The following CHRM3 variants were observed in gnomAD, a reference collection of about 807,000 sequenced individuals.
The protein encoded by CHRM3 is cholinergic receptor muscarinic 3.
A neutral mutation model predicts 41.8 loss-of-function variants in CHRM3; 11 were observed. The observed-to-expected ratio is 0.26, with a 90% CI of 0.17 to 0.44. The LOEUF (loss-of-function observed/expected upper bound fraction) is 0.44, where lower values mean the gene tolerates loss of function less well. CHRM3 is among the 20% of genes least tolerant of loss of function. The probability of loss-of-function intolerance (pLI) is 1.00; values close to 1 mark genes in which losing one functional copy is unlikely to be tolerated. For synonymous variants in CHRM3, 297 were observed against 301.4 expected (o/e 0.99, Z 0.15); for missense variants, 571 against 745.4 (o/e 0.77, Z 2.72).
At chr1:239,633,033 C>A (rs535708883) in intron 4 of CHRM3, among the ~76,000 whole-genome samples, 1 of 152,176 alleles carries the variant, frequency 6.6e-6, no homozygotes, top group South Asian at 2.1e-4. Context: ...AGTGCAGTGG[C>A]GCCATCTCAG....
chr1:239,818,122 A>G (rs1671743432), intron 5 of CHRM3, among the ~76,000 whole-genome samples: 1 of 152,132 alleles, frequency 6.6e-6, no homozygotes. Context: ...GTGCAGGCAG[A>G]GTTGATATCT....
chr1:239,795,129 T>C (rs1189944292), intron 5 of CHRM3, among the ~76,000 whole-genome samples: 1 of 152,208 alleles, frequency 6.6e-6, no homozygotes, highest in Non-Finnish European at 1.5e-5. Context: ...ATGTATTTTT[T>C]TTAACTGAAA....
At chr1:239,893,672 AAAGG>A (rs1678735967) in intron 6 of CHRM3, among the ~76,000 whole-genome samples, 1 of 151,266 alleles carries the variant, frequency 6.6e-6, no homozygotes, top group African/African-American at 2.4e-5. Flanking sequence ...GTAGCAGAGG[AAAGG>A]GTAGGGTCAA....
chr1:239,888,178 A>G (rs1215219599), intron 6 of CHRM3, among the ~76,000 whole-genome samples: 1 of 152,024 alleles, frequency 6.6e-6, no homozygotes, highest in African/African-American at 2.4e-5. Context: ...CCTGAGTAAC[A>G]TGGCAAAACC....
At chr1:239,397,258 AAGAAT>A (rs1245981552) in intron 1 of CHRM3, among the ~76,000 whole-genome samples, 1 of 152,178 alleles carries the variant, frequency 6.6e-6, no homozygotes, top group Non-Finnish European at 1.5e-5. Context: ...TTGCTCCATA[AAGAAT>A]AGGTGACTCA....
At chr1:239,787,606 G>A (rs1248237997) in intron 5 of CHRM3, among the ~76,000 whole-genome samples, 2 of 152,130 alleles carry the variant, frequency 1.3e-5, no homozygotes, top group East Asian at 3.9e-4. Flanking sequence ...GTTCAGTAAA[G>A]TGAAACAGGC....
At chr1:239,905,750 C>T (rs185716846) in intron 6 of CHRM3, among the ~76,000 whole-genome samples, 61 of 152,208 alleles carry the variant, frequency 4.0e-4, no homozygotes, top group Middle Eastern at 3.4e-3. Flanking sequence ...TTGCACAACA[C>T]GTACCACACA....
intron 5 of CHRM3, among the ~76,000 whole-genome samples, chr1:239,799,425 T>C (rs1670036591): frequency 6.6e-6 from 1 of 152,088 alleles, no homozygotes; most frequent in South Asian, 2.1e-4. Flanking sequence ...AGGGGCAGGA[T>C]CGAACACGCT....
chr1:239,634,541 TC>T, intron 4 of CHRM3, among the ~76,000 whole-genome samples: 1 of 151,124 alleles, frequency 6.6e-6, no homozygotes, highest in African/African-American at 2.4e-5. Context: ...CTGAGCATCT[TC>T]TTTTCTTTTT....
chr1:239,470,296 C>G (rs1279255070), intron 1 of CHRM3, among the ~76,000 whole-genome samples: 1 of 152,118 alleles, frequency 6.6e-6, no homozygotes, highest in African/African-American at 2.4e-5. Flanking sequence ...AACCAACTCT[C>G]CCTGAGAACT....
At chr1:239,865,499 T>C (rs1260974798) in intron 6 of CHRM3, among the ~76,000 whole-genome samples, 1 of 152,160 alleles carries the variant, frequency 6.6e-6, no homozygotes, top group African/African-American at 2.4e-5. Flanking sequence ...GGCAGGAATT[T>C]GAAATTCAGT....
intron 6 of CHRM3, among the ~76,000 whole-genome samples, chr1:239,840,607 A>G (rs951383088): frequency 6.6e-5 from 10 of 152,186 alleles, no homozygotes. Flanking sequence ...AGGATGTTCA[A>G]TTTAGAACTG....
At chr1:239,770,758 C>T (rs1667595777) in intron 5 of CHRM3, among the ~76,000 whole-genome samples, 1 of 152,076 alleles carries the variant, frequency 6.6e-6, no homozygotes, top group South Asian at 2.1e-4. Context: ...ATAATCATGC[C>T]TGCTTATCTC....
chr1:239,604,326 A>G (rs77795303), intron 3 of CHRM3, among the ~76,000 whole-genome samples: 3 of 144,952 alleles, frequency 2.1e-5, no homozygotes, highest in Admixed American at 1.4e-4. Context: ...AAAAAAAAAA[A>G]GCTCTCTAAA....
At chr1:239,869,088 G>C (rs1009926599) in intron 6 of CHRM3, among the ~76,000 whole-genome samples, 1 of 152,060 alleles carries the variant, frequency 6.6e-6, no homozygotes, top group African/African-American at 2.4e-5. Context: ...TAGAAACCCT[G>C]CACCCCAAAC....
intron 5 of CHRM3, among the ~76,000 whole-genome samples, chr1:239,684,184 T>A (rs1252620143): frequency 6.6e-6 from 1 of 152,124 alleles, no homozygotes; most frequent in African/African-American, 2.4e-5. Context: ...ATTAAGTAAG[T>A]TGTTTCCCCT....
At chr1:239,460,816 T>C (rs1200047476) in intron 1 of CHRM3, among the ~76,000 whole-genome samples, 1 of 152,128 alleles carries the variant, frequency 6.6e-6, no homozygotes, top group Admixed American at 6.5e-5. Context: ...AAAATGAAAA[T>C]ACAAAATAAA....
At chr1:239,388,323 G>A (rs1658713814) in intron 1 of CHRM3, among the ~76,000 whole-genome samples, 3 of 152,146 alleles carry the variant, frequency 2.0e-5, no homozygotes, top group Admixed American at 2.0e-4. Context: ...AAGAACACTG[G>A]TTATTTCACC....
intron 3 of CHRM3, among the ~76,000 whole-genome samples, chr1:239,567,942 T>C (rs1489757528): frequency 6.6e-6 from 1 of 152,124 alleles, no homozygotes; most frequent in Admixed American, 6.5e-5. Flanking sequence ...CCCAATAAGG[T>C]CTGCACTTTG....
Sources: allele counts gnomAD v4.1 joint callset (sites outside exome capture counted in the v4.1 genomes callset), GRCh38; gene constraint gnomAD v4.1.1; transcripts MANE v1.5; gene names NCBI Gene and HGNC (gene_info 2026-07-23, HGNC 2026-07-21).